MALRD1: variants seen among roughly 807,000 people sequenced by gnomAD.
The protein encoded by MALRD1 is MAM and LDL receptor class A domain containing 1, also known as MAM and LDL-receptor class A domain-containing protein 1.
Under a neutral mutation model 242.1 loss-of-function variants are expected in MALRD1, and 247 were observed. The observed-to-expected ratio is 1.02, with a 90% CI of 0.92 to 1.13. MALRD1 has a LOEUF of 1.13. MALRD1 is among the 50% of genes most tolerant of loss of function. MALRD1 has a pLI of 0.00. For synonymous variants in MALRD1, 995 were observed against 866.6 expected, an observed-to-expected ratio of 1.15 and a Z score of -2.60; for missense variants, 2,989 against 2,533.1, an observed-to-expected ratio of 1.18 and a Z score of -3.86.
chr10:19,551,443 A>G (rs1302727650), intron 32 of MALRD1, among the ~76,000 whole-genome samples: 2 of 152,132 alleles, frequency 1.3e-5, no homozygotes, highest in African/African-American at 4.8e-5. Flanking sequence ...TGATTTTTGT[A>G]TGCTGATTTT....
At chr10:19,669,906 G>A (rs77503724) in intron 36 of MALRD1, among the ~76,000 whole-genome samples, 141 of 152,112 alleles carry the variant, frequency 9.3e-4, no homozygotes, top group African/African-American at 3.3e-3. Flanking sequence ...AGAACCTCAC[G>A]CATGTTTATT....
Position 19,353,181 on chromosome 10 carries a change from G to GT in MALRD1, c.4441+890dup, listed in dbSNP as rs1253054705. ...TCCACCACACCTGGCAAGTTTTTGT[G>GT]TTTTTTGCAGAGATGGGGTCTCACT... On this transcript the variant is annotated intron_variant, in intron 26 of 39. Coordinates refer to ENST00000454679, the MANE Select transcript of MALRD1 (RefSeq NM_001142308.3). Among the ~76,000 whole-genome samples, 3 of 151,732 alleles carry GT rather than the reference G, an allele frequency of 2.0e-5. 1 individual carries two copies. The South Asian group carries it at 6.2e-4, about 32-fold the overall frequency.
At chr10:19,586,061 T>C (rs1837378154) in intron 33 of MALRD1, among the ~76,000 whole-genome samples, 1 of 152,194 alleles carries the variant, frequency 6.6e-6, no homozygotes, top group Non-Finnish European at 1.5e-5. Flanking sequence ...TTTCGAGCCT[T>C]GGTTTTCAGC....
chr10:19,431,904 C>T (rs973035577), intron 28 of MALRD1, among the ~76,000 whole-genome samples: 3 of 152,124 alleles, frequency 2.0e-5, no homozygotes, highest in African/African-American at 7.2e-5. Context: ...ACCTTGCTGC[C>T]TTTACTTATT....
chr10:19,283,277 A>G (rs931436266), intron 21 of MALRD1, 96 bp downstream of exon 21: 6 of 1,025,016 alleles, frequency 5.9e-6, no homozygotes, highest in Middle Eastern at 4.6e-4. Flanking sequence ...GGCCAATGCT[A>G]CTGTAAAGAC....
chr10:19,368,024 G>A (rs183926405), intron 26 of MALRD1, among the ~76,000 whole-genome samples: 49 of 152,050 alleles, frequency 3.2e-4, no homozygotes, highest in Admixed American at 2.8e-3. Context: ...TTGGTTGGAT[G>A]GATAGTTTGC....
chr10:19,394,695 C>G (rs780247730), intron 28 of MALRD1, among the ~76,000 whole-genome samples: 6 of 152,148 alleles, frequency 3.9e-5, no homozygotes, highest in Admixed American at 6.5e-5. Flanking sequence ...ATTGAGTATT[C>G]CTTATCCAAA....
At chr10:19,104,260 CACTG>C (rs571767140) in intron 5 of MALRD1, among the ~76,000 whole-genome samples, 185 bp downstream of exon 5, 10 of 152,250 alleles carry the variant, frequency 6.6e-5, no homozygotes, top group South Asian at 6.2e-4. Flanking sequence ...GGCTGTTTTT[CACTG>C]ACTGATGCTG....
At position 19,499,464 on chromosome 10, in the gene MALRD1, C is replaced by T. The variant is rs79571908; in HGVS notation, c.5320+818C>T. Among the ~76,000 whole-genome samples, 222 of 147,456 alleles carry T rather than the reference C, an allele frequency of 1.5e-3. 3 individuals carry two copies. The highest frequency in any genetic ancestry group is 3.0e-4 in the Non-Finnish European group (20 of 66,380). ...TGAATAGAAAAAAAAAAAAAAAAAC[C>T]AGCCTATGCAGCAAGAAGGATCCCC... On this transcript the variant is annotated intron_variant, in intron 31 of 39. Coordinates refer to ENST00000454679, the MANE Select transcript of MALRD1 (RefSeq NM_001142308.3).
chr10:19,697,517 A>G (rs557982296), intron 38 of MALRD1, among the ~76,000 whole-genome samples: 60 of 152,280 alleles, frequency 3.9e-4, no homozygotes, highest in Non-Finnish European at 7.2e-4. Context: ...ATCGGGCATC[A>G]TAGCCTAGCC....
chr10:19,048,813 A>T lies in MALRD1; in HGVS notation c.-126A>T. Reference sequence around the variant, plus strand: ...GGAGTAATTTGTTAGAGTTGCAGATAGTTACCAATAGTATCCAGTTATAAG... The same window carrying T: ...GGAGTAATTTGTTAGAGTTGCAGATTGTTACCAATAGTATCCAGTTATAAG... On this transcript the variant is annotated 5_prime_UTR_variant, in exon 1 of 40. Coordinates refer to ENST00000454679, the MANE Select transcript of MALRD1 (RefSeq NM_001142308.3). 1.6e-6 allele frequency: 1 copy of T among 638,532 alleles called. No individual in the cohort carries two copies. The highest frequency in any genetic ancestry group is 2.2e-6 in the Non-Finnish European group (1 of 446,134). The allele number at this position is 638,532 out of a possible 1,614,324, so 39.6% of individuals were successfully genotyped here. A position where few individuals can be genotyped will look rare whatever the true frequency, so the allele number is the denominator to read the frequency against.
At chr10:19,474,565 C>A (rs915932653) in intron 29 of MALRD1, among the ~76,000 whole-genome samples, 1 of 151,894 alleles carries the variant, frequency 6.6e-6, no homozygotes, top group Non-Finnish European at 1.5e-5. Flanking sequence ...AATGTTGTTC[C>A]CTGGTGTCAT....
intron 18 of MALRD1, among the ~76,000 whole-genome samples, chr10:19,224,337 A>G (rs910077650): frequency 4.7e-4 from 66 of 141,042 alleles, no homozygotes; most frequent in African/African-American, 1.7e-3. Flanking sequence ...CCCAGGGTGG[A>G]GTGCAGTGGC....
At chr10:19,590,293 ATATAT>A (rs1324937107) in intron 33 of MALRD1, among the ~76,000 whole-genome samples, 1 of 148,012 alleles carries the variant, frequency 6.8e-6, no homozygotes, top group African/African-American at 2.5e-5. Context: ...ATATACATGT[ATATAT>A]TATATATGTT....
intron 12 of MALRD1, among the ~76,000 whole-genome samples, chr10:19,159,742 G>T (rs1279990115): frequency 6.6e-6 from 1 of 152,062 alleles, no homozygotes; most frequent in Non-Finnish European, 1.5e-5. Flanking sequence ...AGAGCCCAAG[G>T]TCCCAGAGGC....
At chr10:19,361,144 G>A (rs751755409) in intron 26 of MALRD1, among the ~76,000 whole-genome samples, 4 of 152,038 alleles carry the variant, frequency 2.6e-5, no homozygotes, top group Non-Finnish European at 4.4e-5. Context: ...ACAGAGTAAC[G>A]ACTCTATTTC....
intron 36 of MALRD1, among the ~76,000 whole-genome samples, chr10:19,643,755 T>G (rs965393513): frequency 2.0e-5 from 3 of 152,094 alleles, no homozygotes; most frequent in African/African-American, 7.2e-5. Context: ...ATGCATTGCG[T>G]TTCCCGTTTT....
chr10:19,327,697 G>A (rs114661731), intron 23 of MALRD1, 24 bp downstream of exon 23: 26,750 of 1,505,790 alleles, frequency 0.018, 372 homozygotes, highest in African/African-American at 0.051. Flanking sequence ...GTAGTTATGG[G>A]GTGAGTGAGT....
chr10:19,705,343 C>A (rs113631761), intron 38 of MALRD1, among the ~76,000 whole-genome samples: 5 of 152,240 alleles, frequency 3.3e-5, no homozygotes, highest in African/African-American at 1.2e-4. Flanking sequence ...TGTCCTGGTC[C>A]CAGAAATACT....
Sources: gnomAD v4.1 joint callset for allele counts (sites outside exome capture counted in the v4.1 genomes callset) on GRCh38, gnomAD v4.1.1 for gene constraint, MANE v1.5 for transcripts, NCBI Gene and HGNC (gene_info 2026-07-23, HGNC 2026-07-21) for gene names.